Variants in NSUN6 observed in about 807,000 individuals in gnomAD.
NSUN6 encodes tRNA (cytosine(72)-C(5))-methyltransferase NSUN6.
NSUN6 carries 64 observed loss-of-function variants against 58.0 expected under a neutral mutation model. The ratio of observed to expected loss-of-function variants is 1.10; its 90% confidence interval spans 0.90 to 1.36. The LOEUF (loss-of-function observed/expected upper bound fraction) is 1.36. Among genes scored for constraint, NSUN6 ranks in the 40% most tolerant of loss-of-function variants. The pLI is 0.00. For synonymous variants in NSUN6, 231 were observed against 193.9 expected (o/e 1.19, Z -1.59); for missense variants, 701 against 550.1 (o/e 1.27, Z -2.74).
intron 8 of NSUN6, among the ~76,000 whole-genome samples, chr10:18,558,801 A>G (rs1202093811): frequency 6.7e-6 from 1 of 150,154 alleles, no homozygotes; most frequent in African/African-American, 2.5e-5. Flanking sequence ...GGAATGGACA[A>G]TGGAATGGAA....
chr10:18,621,755 C>T (rs2058614304), intron 3 of NSUN6, among the ~76,000 whole-genome samples: 2 of 152,238 alleles, frequency 1.3e-5, no homozygotes, highest in South Asian at 2.1e-4. Context: ...GAATTAAAAA[C>T]AGATTATGGG....
intron 8 of NSUN6, among the ~76,000 whole-genome samples, chr10:18,556,962 A>G (rs971010125): frequency 1.3e-5 from 2 of 150,520 alleles, no homozygotes; most frequent in Admixed American, 1.3e-4. Context: ...TGGAATGGAG[A>G]ATGGAAGGGA....
At chr10:18,567,445 TCCATGCTCCATTCCATTCCATTCTCCATA>T in intron 8 of NSUN6, among the ~76,000 whole-genome samples, 1 of 151,112 alleles carries the variant, frequency 6.6e-6, no homozygotes, top group East Asian at 1.9e-4. Flanking sequence ...TCCATTCCAT[TCCATGCTCCATTCCATTCCATTCTCCATA>T]CCATCCTCCA....
intron 8 of NSUN6, among the ~76,000 whole-genome samples, chr10:18,561,838 T>G (rs962797898): frequency 3.4e-5 from 5 of 145,486 alleles, no homozygotes; most frequent in Admixed American, 6.9e-5. Context: ...ATGGAGAATG[T>G]AATAGAATGA....
chr10:18,550,635 T>C (rs2054539385), intron 9 of NSUN6, among the ~76,000 whole-genome samples: 1 of 152,148 alleles, frequency 6.6e-6, no homozygotes, highest in Non-Finnish European at 1.5e-5. Flanking sequence ...ATGGTTCTCC[T>C]ATATCCTACG....
intron 6 of NSUN6, among the ~76,000 whole-genome samples, chr10:18,603,472 T>TC (rs1564788357): frequency 6.6e-6 from 1 of 150,764 alleles, no homozygotes; most frequent in Non-Finnish European, 1.5e-5. Flanking sequence ...TCTTTTCTTT[T>TC]CTTTTCTTTT....
intron 8 of NSUN6, among the ~76,000 whole-genome samples, chr10:18,563,422 G>A (rs1274907073): frequency 2.0e-5 from 3 of 150,150 alleles, no homozygotes; most frequent in East Asian, 2.0e-4. Flanking sequence ...ACGGAATGGA[G>A]AATGGCAGGA....
chr10:18,648,580 T>A lies in NSUN6; in HGVS notation c.141A>T (p.Ser47=). ...RKFETLLKHL[S]HPPSFTTVRV... ...TGACAGTTGTAAATGATGGAGGATG[T>A]GACAGGTGCTTTAACAAAGTTTCAA... Residue 47 remains serine (S), a synonymous_variant, in exon 2 of 11, where the codon TCA becomes TCT. Transcript: ENST00000377304. 6.2e-7 allele frequency: 1 copy of A among 1,605,170 alleles called. No individual in the cohort carries two copies. Among genetic ancestry groups the A allele is most frequent in the Non-Finnish European group, 8.5e-7 (1 of 1,171,988 alleles).
intron 6 of NSUN6, among the ~76,000 whole-genome samples, chr10:18,603,457 C>T (rs530105213): frequency 6.6e-6 from 1 of 150,628 alleles, no homozygotes; most frequent in South Asian, 2.1e-4. Flanking sequence ...TATGCACGCT[C>T]TTTTTCTTTT....
Position 18,559,894 on chromosome 10 carries a change from G to GGGAAT in NSUN6, c.923-7928_923-7924dup, listed in dbSNP as rs534401714. ...ATGCGGAATGGAATGCAATGGAAAG[G>GGGAAT]GGAATGGAATGGAATGGAGAATGGA... On this transcript the variant is annotated intron_variant, in intron 8 of 10. Transcript: ENST00000377304. 5.1e-3 allele frequency among the ~76,000 whole-genome samples: 770 copies of GGGAAT among 150,734 alleles called. 1 individual carries two copies. Among genetic ancestry groups the GGGAAT allele is most frequent in the Non-Finnish European group, 8.6e-3 (578 of 67,352 alleles).
intron 8 of NSUN6, among the ~76,000 whole-genome samples, chr10:18,558,486 G>C (rs920282204): frequency 2.0e-5 from 3 of 150,864 alleles, no homozygotes; most frequent in African/African-American, 7.3e-5. Context: ...AAAAGGAATA[G>C]AATATGGAAT....
intron 8 of NSUN6, among the ~76,000 whole-genome samples, chr10:18,563,591 CTCCATTCCATTCCATTGCTTTTTCTAT>C (rs2055704336): frequency 1.3e-5 from 2 of 150,722 alleles, no homozygotes; most frequent in African/African-American, 2.4e-5. Flanking sequence ...CCATTCCATT[CTCCATTCCATTCCATTGCTTTTTCTAT>C]TCCATTCCAT....
At chr10:18,627,554 G>C (rs1262575828) in intron 3 of NSUN6, among the ~76,000 whole-genome samples, 3 of 152,182 alleles carry the variant, frequency 2.0e-5, no homozygotes, top group Non-Finnish European at 2.9e-5. Context: ...GTGGGTGCGC[G>C]CACCGTGCCC....
chr10:18,619,081 A>T (rs2058512243), intron 3 of NSUN6, among the ~76,000 whole-genome samples: 1 of 152,168 alleles, frequency 6.6e-6, no homozygotes, highest in South Asian at 2.1e-4. Context: ...AGGGAAATCC[A>T]ATCCTGCAGC....
intron 6 of NSUN6, among the ~76,000 whole-genome samples, chr10:18,601,669 G>T (rs550372559): frequency 2.6e-5 from 4 of 152,272 alleles, no homozygotes; most frequent in Admixed American, 1.3e-4. Context: ...TGGATTAGCA[G>T]TTCTCATTTT....
rs10671283 is a variant in NSUN6, at chr10:18,624,647, CAAAAAAA to C, written c.312-8361_312-8355del. ...TGGGAGACAGAGCGAGACTCTGTCT[CAAAAAAA>C]AAAAAAAAAAGAACGAATGCGGAAG... is the stretch of plus-strand genomic sequence containing the variant. On this transcript the variant is annotated intron_variant, in intron 3 of 10. Transcript: ENST00000377304. Among the ~76,000 whole-genome samples, 4 of 77,074 alleles carry C rather than the reference CAAAAAAA, an allele frequency of 5.2e-5. No homozygotes were observed. In the East Asian group the frequency reaches 1.7e-3, roughly 33 times the overall value. The allele number at this position is 77,074 out of a possible 152,430, so 50.6% of individuals were successfully genotyped here.
At chr10:18,577,387 G>A (rs1252000190) in intron 8 of NSUN6, among the ~76,000 whole-genome samples, 1 of 152,144 alleles carries the variant, frequency 6.6e-6, no homozygotes, top group Non-Finnish European at 1.5e-5. Context: ...TTCGGTAAAT[G>A]GAAAGGAATA....
At chr10:18,602,968 T>G (rs2131270912) in intron 6 of NSUN6, among the ~76,000 whole-genome samples, 1 of 152,308 alleles carries the variant, frequency 6.6e-6, no homozygotes, top group South Asian at 2.1e-4. Context: ...ATACAACCTC[T>G]ACATAAGTCC....
intron 7 of NSUN6, 122 bp from the exon 8 acceptor site, chr10:18,586,215 C>T: frequency 1.3e-6 from 1 of 744,170 alleles, no homozygotes; most frequent in Non-Finnish European, 2.1e-6. Context: ...ACTCCCATCC[C>T]TAATTTAAAA....
Sources: allele counts gnomAD v4.1 joint callset (sites outside exome capture counted in the v4.1 genomes callset), GRCh38; gene constraint gnomAD v4.1.1; transcripts MANE v1.5; gene names NCBI Gene and HGNC (gene_info 2026-07-23, HGNC 2026-07-21).